PLEKHA6: variants seen among roughly 807,000 people sequenced by gnomAD.
PLEKHA6 encodes pleckstrin homology domain containing A6.
PLEKHA6 carries 60 observed loss-of-function variants against 116.7 expected under a neutral mutation model. The ratio of observed to expected loss-of-function variants is 0.51; its 90% CI spans 0.42 to 0.64. The LOEUF (loss-of-function observed/expected upper bound fraction) is 0.64, where lower values mean the gene tolerates loss of function less well. PLEKHA6 is among the 30% of genes least tolerant of loss of function. The pLI is 0.00. For missense variants in PLEKHA6, 1,338 were observed against 1,422.7 expected (o/e 0.94, Z 0.96); for synonymous variants, 489 against 556.1 (o/e 0.88, Z 1.70).
rs1367300986 is a variant in PLEKHA6 at position 204,219,609 on chromosome 1, A to C, written c.*3179T>G. On this transcript the variant is annotated 3_prime_UTR_variant, in exon 23 of 23. Transcript: ENST00000272203. ...TGTTCTAGGCTGGCGACAGGGTGTC[A>C]GTAAATGCCCCAGGTGGGAGGCCAG... The C allele has an allele frequency of 6.6e-6, 1 of 152,192 alleles. No homozygotes were observed. The highest frequency in any genetic ancestry group is 1.5e-5 in the Non-Finnish European group (1 of 68,026). The allele number at this position is 152,192 out of a possible 1,614,324, so 9.4% of individuals were successfully genotyped here.
At chr1:204,315,480 C>A (rs1671824443) in intron 1 of PLEKHA6, among the ~76,000 whole-genome samples, 1 of 152,204 alleles carries the variant, frequency 6.6e-6, no homozygotes, top group Non-Finnish European at 1.5e-5. Flanking sequence ...CCCTCTCCCC[C>A]AGATGCCTGT....
At chr1:204,248,028 G>A (rs1571865922) in intron 12 of PLEKHA6, among the ~76,000 whole-genome samples, 1 of 152,050 alleles carries the variant, frequency 6.6e-6, no homozygotes, top group African/African-American at 2.4e-5. Context: ...AGAGGTTAGA[G>A]AGCTTCCTCC....
chr1:204,345,847 C>G (rs1558193934), intron 1 of PLEKHA6, among the ~76,000 whole-genome samples: 1 of 152,194 alleles, frequency 6.6e-6, no homozygotes. Flanking sequence ...ACCAGAAGCC[C>G]TGGAGAAAAT....
chr1:204,317,408 G>A (rs905683600), intron 1 of PLEKHA6: 6 of 154,350 alleles, frequency 3.9e-5, no homozygotes, highest in Admixed American at 3.3e-4. Context: ...AGGAATGCAA[G>A]CTCGGCCCCA....
At chr1:204,235,618 G>A (rs896431378) in intron 17 of PLEKHA6, among the ~76,000 whole-genome samples, 1 of 152,156 alleles carries the variant, frequency 6.6e-6, no homozygotes, top group Non-Finnish European at 1.5e-5. Flanking sequence ...GGCGTCTATT[G>A]TTAAAGTGAG....
At chr1:204,290,756 A>G (rs1669664159) in intron 1 of PLEKHA6, among the ~76,000 whole-genome samples, 1 of 152,156 alleles carries the variant, frequency 6.6e-6, no homozygotes, top group African/African-American at 2.4e-5. Context: ...TTCGGGTGCC[A>G]AGGTGGGGAG....
intron 5 of PLEKHA6, among the ~76,000 whole-genome samples, chr1:204,265,523 A>C (rs1666689959): frequency 6.6e-6 from 1 of 152,202 alleles, no homozygotes; most frequent in South Asian, 2.1e-4. Context: ...ACAAGTGGTA[A>C]AATTGGTCTT....
At chr1:204,286,609 C>G (rs578196221) in intron 1 of PLEKHA6, among the ~76,000 whole-genome samples, 1 of 152,250 alleles carries the variant, frequency 6.6e-6, no homozygotes, top group East Asian at 1.9e-4. Context: ...ATTTGCGGGC[C>G]CCTTGTGCAA....
At chr1:204,328,732 T>G (rs1240934135) in intron 1 of PLEKHA6, among the ~76,000 whole-genome samples, 2 of 152,262 alleles carry the variant, frequency 1.3e-5, no homozygotes, top group Non-Finnish European at 2.9e-5. Flanking sequence ...CCCTGTGCAG[T>G]GTCTGCACAG....
chr1:204,374,920 TC>T (rs1314147723), intron 1 of PLEKHA6, among the ~76,000 whole-genome samples: 1 of 152,132 alleles, frequency 6.6e-6, no homozygotes, highest in Non-Finnish European at 1.5e-5. Flanking sequence ...ATTAGAGGCC[TC>T]CCCCTCTCCT....
At chr1:204,297,608 G>A (rs539571912) in intron 1 of PLEKHA6, among the ~76,000 whole-genome samples, 212 of 125,796 alleles carry the variant, frequency 1.7e-3, no homozygotes, top group Middle Eastern at 0.013. Context: ...TTTCCTCATC[G>A]GCAACAGGGG....
intron 1 of PLEKHA6, among the ~76,000 whole-genome samples, chr1:204,305,047 C>A (rs1311515417): frequency 6.6e-6 from 1 of 152,170 alleles, no homozygotes; most frequent in Admixed American, 6.5e-5. Flanking sequence ...AGAAGGCAAT[C>A]TACTCCAAGT....
chr1:204,369,245 C>T (rs1036617366), intron 2 of PLEKHA6: 5 of 152,156 alleles, frequency 3.3e-5, no homozygotes, highest in Admixed American at 1.3e-4. Flanking sequence ...AGGTGTCCTC[C>T]GAAACATTTT....
intron 2 of PLEKHA6, among the ~76,000 whole-genome samples, chr1:204,274,100 A>AT (rs879943815): frequency 8.5e-4 from 124 of 146,310 alleles, no homozygotes; most frequent in Admixed American, 2.6e-3. Context: ...TGCCTAGCTA[A>AT]TTTTTTTTTT....
Position 204,230,539 on chromosome 1 carries a change from C to A in PLEKHA6, c.2457G>T (p.Met819Ile). 1 of 1,602,016 alleles carries A rather than the reference C, an allele frequency of 6.2e-7. No individual in the cohort carries two copies. Among genetic ancestry groups the A allele is most frequent in the Non-Finnish European group, 8.5e-7 (1 of 1,174,682 alleles). The change falls in exon 18 of 23, where the codon ATG (methionine) becomes ATT (isoleucine). Residue 819 changes from methionine to isoleucine, a missense_variant. Around this residue, in one of 3 missense-constraint regions of PLEKHA6, gnomAD observed 1,136 missense variants for 1,163.6 expected, o/e 0.98. Transcript: ENST00000272203. Reference sequence around the variant, plus strand: ...TTCGGTCAATCTGCTCCTCCACGCTCATCTTGACCTTCCCCTCGCCAGGAA... The same window carrying A: ...TTCGGTCAATCTGCTCCTCCACGCTAATCTTGACCTTCCCCTCGCCAGGAA... Reference protein sequence around the residue: ...AVFPGEGKVKMSVEEQIDRMR... With the variant: ...AVFPGEGKVKISVEEQIDRMR...
chr1:204,297,878 C>G, intron 1 of PLEKHA6: 9 of 985,026 alleles, frequency 9.1e-6, no homozygotes, highest in Non-Finnish European at 1.1e-5. Flanking sequence ...CAAGGTCCAT[C>G]AATGTGAGTG....
At chr1:204,315,841 G>A (rs948908657) in intron 1 of PLEKHA6, among the ~76,000 whole-genome samples, 5 of 152,230 alleles carry the variant, frequency 3.3e-5, no homozygotes, top group East Asian at 3.8e-4. Flanking sequence ...GCATGGAGAC[G>A]ACAGCATGAG....
chr1:204,247,338 C>A, intron 13 of PLEKHA6, 27 bp downstream of exon 13: 1 of 1,439,986 alleles, frequency 6.9e-7, no homozygotes, highest in South Asian at 1.1e-5. Flanking sequence ...CATCCCAATC[C>A]CCGCCAGCTC....
intron 1 of PLEKHA6, among the ~76,000 whole-genome samples, chr1:204,293,064 G>C (rs1448184372): frequency 2.6e-5 from 4 of 152,106 alleles, no homozygotes; most frequent in Admixed American, 2.6e-4. Context: ...CTGGGAGAGG[G>C]AGCAAGCCCA....
Sources: gnomAD v4.1 joint callset for allele counts (sites outside exome capture counted in the v4.1 genomes callset) on GRCh38, gnomAD v4.1.1 for gene constraint, gnomAD v4.1.1 regional missense constraint, MANE v1.5 for transcripts, NCBI Gene and HGNC (gene_info 2026-07-23, HGNC 2026-07-21) for gene names.